The following TRIP12 variants were observed in gnomAD, a reference collection of about 807,000 sequenced individuals.
The protein encoded by TRIP12 is thyroid hormone receptor interactor 12, also known as E3 ubiquitin-protein ligase TRIP12.
In TRIP12, 25 loss-of-function variants were observed where a neutral mutation model predicts 244.2. The ratio of observed to expected loss-of-function variants is 0.10; its 90% CI spans 0.07 to 0.14. The LOEUF is 0.14. Ranked by LOEUF, TRIP12 falls within the 10% of genes least tolerant of loss-of-function variation. TRIP12 has a pLI of 1.00. For synonymous variants in TRIP12, 905 were observed against 873.1 expected, an observed-to-expected ratio of 1.04 and a Z score of -0.64; for missense variants, 1,677 against 2,486.4, an observed-to-expected ratio of 0.67 and a Z score of 6.92.
rs1323590233 is a variant in TRIP12, at chr2:229,795,346, AACAAAC to A, written c.3817-22_3817-17del. 3.7e-6 allele frequency: 6 copies of A among 1,608,530 alleles called. No homozygotes were observed. Among genetic ancestry groups the A allele is most frequent in the Non-Finnish European group, 5.1e-6 (6 of 1,177,500 alleles). On this transcript the variant is annotated splice_polypyrimidine_tract_variant and intron_variant, in intron 25 of 41. Transcript: ENST00000675903. ...CTCCAGGAAGCTAAAGTTATAAATAAACAAACAGGTTAAACAAAGCCTTTTCAAAAC... is the reference window on the plus strand; with the variant it reads ...CTCCAGGAAGCTAAAGTTATAAATAAAGGTTAAACAAAGCCTTTTCAAAAC...
At chr2:229,888,497 C>A (rs1232512269) in intron 1 of TRIP12, among the ~76,000 whole-genome samples, 1 of 151,906 alleles carries the variant, frequency 6.6e-6, no homozygotes, top group Non-Finnish European at 1.5e-5. Flanking sequence ...TTACCACAAG[C>A]ACTGGGAAAA....
At chr2:229,791,463 C>A (rs889843762) in intron 29 of TRIP12, among the ~76,000 whole-genome samples, 3 of 152,182 alleles carry the variant, frequency 2.0e-5, no homozygotes, top group African/African-American at 7.2e-5. Flanking sequence ...AAGGGTGGTT[C>A]TGGGAAGAAT....
At chr2:229,907,395 C>A (rs540719074) in intron 1 of TRIP12, among the ~76,000 whole-genome samples, 2 of 152,164 alleles carry the variant, frequency 1.3e-5, no homozygotes, top group Non-Finnish European at 2.9e-5. Context: ...CCATAACACT[C>A]GCAATGATCT....
chr2:229,914,148 T>A (rs1285125226), intron 1 of TRIP12, among the ~76,000 whole-genome samples: 1 of 151,954 alleles, frequency 6.6e-6, no homozygotes, highest in Non-Finnish European at 1.5e-5. Flanking sequence ...GAGGCTGCAG[T>A]GAGTCGGGAT....
chr2:229,841,686 G>A (rs1298859270), intron 4 of TRIP12, among the ~76,000 whole-genome samples: 1 of 152,130 alleles, frequency 6.6e-6, no homozygotes, highest in African/African-American at 2.4e-5. Context: ...AACAGTGAAA[G>A]GTCTCCAAAG....
chr2:229,785,919 TG>T, intron 33 of TRIP12, 64 bp from the exon 34 acceptor site: 1 of 1,415,712 alleles, frequency 7.1e-7, no homozygotes, highest in South Asian at 1.3e-5. Context: ...AATAAACAGG[TG>T]GCATTTCTTG....
intron 8 of TRIP12, among the ~76,000 whole-genome samples, chr2:229,821,767 G>C (rs894187556): frequency 3.3e-5 from 5 of 152,156 alleles, no homozygotes; most frequent in African/African-American, 1.2e-4. Flanking sequence ...GAAGCCTATA[G>C]TGCTTTAGGG....
At chr2:229,895,955 C>G (rs2068700731) in intron 1 of TRIP12, among the ~76,000 whole-genome samples, 1 of 152,008 alleles carries the variant, frequency 6.6e-6, no homozygotes, top group South Asian at 2.1e-4. Context: ...CACTTCATAC[C>G]AGCCTGGGCA....
chr2:229,920,653 T>C (rs2154384767), intron 1 of TRIP12, among the ~76,000 whole-genome samples: 1 of 152,294 alleles, frequency 6.6e-6, no homozygotes, highest in Non-Finnish European at 1.5e-5. Flanking sequence ...TTCCGTTATC[T>C]CCTCACCACG....
intron 18 of TRIP12, among the ~76,000 whole-genome samples, chr2:229,804,601 A>T (rs553836951): frequency 3.9e-5 from 6 of 152,228 alleles, no homozygotes; most frequent in Non-Finnish European, 8.8e-5. Flanking sequence ...ATATTTCACT[A>T]AAAGCTTTGT....
At chr2:229,783,809 T>G (rs970932677) in intron 34 of TRIP12, among the ~76,000 whole-genome samples, 4 of 140,326 alleles carry the variant, frequency 2.9e-5, no homozygotes, top group African/African-American at 1.1e-4. Flanking sequence ...AAACCATCTT[T>G]TAAAAAAAAA....
chr2:229,834,054 A>G lies in TRIP12; in HGVS notation c.1270+2794T>C, dbSNP rs961452276. ...GCCAGATTTGTTCCCAGAGTCAAAT[A>G]TAAAAATGTGACTATCAGTAGATAA... On this transcript the variant is annotated intron_variant, in intron 6 of 41. Coordinates refer to ENST00000675903, the MANE Select transcript of TRIP12 (RefSeq NM_001348323.3). 3.3e-5 allele frequency among the ~76,000 whole-genome samples: 5 copies of G among 152,366 alleles called. 1 individual carries two copies. In the South Asian group the frequency reaches 1.0e-3, roughly 32 times the overall value.
intron 1 of TRIP12, among the ~76,000 whole-genome samples, chr2:229,915,576 A>T (rs1434459096): frequency 6.6e-6 from 1 of 152,112 alleles, no homozygotes; most frequent in African/African-American, 2.4e-5. Context: ...ACTGTGCTAG[A>T]TGCAGAGATA....
intron 2 of TRIP12, among the ~76,000 whole-genome samples, chr2:229,875,445 G>C (rs2063413698): frequency 6.6e-6 from 1 of 152,186 alleles, no homozygotes; most frequent in Non-Finnish European, 1.5e-5. Flanking sequence ...AGAGAAAAGT[G>C]CTACTTAAAT....
intron 26 of TRIP12, among the ~76,000 whole-genome samples, chr2:229,793,536 G>GA (rs139419466): frequency 0.018 from 2,615 of 146,492 alleles, 69 homozygotes; most frequent in African/African-American, 0.062. Flanking sequence ...TTTTTAAAAA[G>GA]AAAAAAAAAA....
chr2:229,909,557 TAA>T (rs770353018), intron 1 of TRIP12, among the ~76,000 whole-genome samples: 40 of 121,442 alleles, frequency 3.3e-4, no homozygotes, highest in Admixed American at 4.3e-4. Flanking sequence ...AGACCTTGTC[TAA>T]AAAAAAAAAA....
At chr2:229,831,272 C>T (rs2053286258) in intron 6 of TRIP12, 4 of 619,340 alleles carry the variant, frequency 6.5e-6, no homozygotes, top group Non-Finnish European at 1.1e-5. Flanking sequence ...AGACGTCTGC[C>T]TTCTAAGTCT....
intron 4 of TRIP12, among the ~76,000 whole-genome samples, chr2:229,841,410 G>T (rs1337735549): frequency 6.6e-6 from 1 of 152,132 alleles, no homozygotes; most frequent in African/African-American, 2.4e-5. Context: ...CATGCACTTG[G>T]ACTGAAGGTT....
intron 8 of TRIP12, among the ~76,000 whole-genome samples, chr2:229,825,828 C>T (rs999745349): frequency 9.9e-5 from 15 of 152,094 alleles, no homozygotes; most frequent in Admixed American, 9.8e-4. Flanking sequence ...AAATAAGAGG[C>T]TATCAAAAAT....
Sources: allele counts gnomAD v4.1 joint callset (sites outside exome capture counted in the v4.1 genomes callset), GRCh38; gene constraint gnomAD v4.1.1; transcripts MANE v1.5; gene names NCBI Gene and HGNC (gene_info 2026-07-23, HGNC 2026-07-21).